DZIP1: variants seen among roughly 807,000 people sequenced by gnomAD.
The protein encoded by DZIP1 is DAZ interacting zinc finger protein 1.
In DZIP1, 97 loss-of-function variants were observed where a neutral mutation model predicts 107.6. The observed-to-expected ratio is 0.90, with a 90% CI of 0.77 to 1.07. DZIP1 has a LOEUF of 1.07. DZIP1 is among the 50% of genes least tolerant of loss of function. The pLI is 0.00. For missense variants in DZIP1, 1,035 were observed against 1,063.6 expected (o/e 0.97, Z 0.37); for synonymous variants, 390 against 386.4 (o/e 1.01, Z -0.11).
chr13:95,639,994 AT>A (rs1370217884), intron 5 of DZIP1, among the ~76,000 whole-genome samples: 1 of 123,666 alleles, frequency 8.1e-6, no homozygotes, highest in South Asian at 2.7e-4. Context: ...TTTTATTTTT[AT>A]TTATTTTTTT....
chr13:95,585,746 C>G (rs906372171), intron 21 of DZIP1, among the ~76,000 whole-genome samples: 2 of 152,128 alleles, frequency 1.3e-5, no homozygotes, highest in African/African-American at 4.8e-5. Context: ...TTGATATCTG[C>G]AAGTATCAGA....
intron 13 of DZIP1, 74 bp downstream of exon 13, chr13:95,609,383 G>A (rs964298120): frequency 2.0e-5 from 19 of 964,474 alleles, no homozygotes; most frequent in Non-Finnish European, 2.6e-5. Flanking sequence ...TCTAAAAATA[G>A]TAAGTAAAAG....
intron 14 of DZIP1, among the ~76,000 whole-genome samples, chr13:95,602,428 A>G (rs1310548449): frequency 6.6e-6 from 1 of 152,120 alleles, no homozygotes. Context: ...CTCACCTTGC[A>G]CCATAATTAT....
At chr13:95,616,349 C>A (rs1331417499) in intron 10 of DZIP1, among the ~76,000 whole-genome samples, 1 of 152,136 alleles carries the variant, frequency 6.6e-6, no homozygotes, top group Non-Finnish European at 1.5e-5. Context: ...TACAATCAGC[C>A]TTTCTCCATC....
intron 5 of DZIP1, chr13:95,637,140 T>C (rs1486743413): frequency 2.6e-5 from 4 of 152,216 alleles, no homozygotes; most frequent in Admixed American, 1.3e-4. Flanking sequence ...TGCAGCACTC[T>C]TGGGCCTTCT....
chr13:95,638,667 A>G (rs1382549462), intron 5 of DZIP1, among the ~76,000 whole-genome samples: 1 of 146,214 alleles, frequency 6.8e-6, no homozygotes, highest in Non-Finnish European at 1.5e-5. Context: ...ACACACGCAC[A>G]CCCCATGGGG....
In DZIP1 at chr13:95,581,584, A is replaced by G. The variant is rs929090450; in HGVS notation, c.*650T>C. The G allele has an allele frequency of 2.0e-5, 3 of 152,192 alleles. No individual in the cohort carries two copies. Among genetic ancestry groups the G allele is most frequent in the African/African-American group, 7.2e-5 (3 of 41,448 alleles). The allele number at this position is 152,192 out of a possible 1,614,324, so 9.4% of individuals were successfully genotyped here. A position where few individuals can be genotyped will look rare whatever the true frequency, so the allele number is the denominator to read the frequency against. On this transcript the variant is annotated 3_prime_UTR_variant, in exon 23 of 23. Coordinates refer to ENST00000376829, the MANE Select transcript of DZIP1 (RefSeq NM_198968.4). ...GGACCTAGCTATATTCTAATCCTAAACTTACTTTTTTGGGGTGTGGAGGGG... is the reference window on the plus strand; with the variant it reads ...GGACCTAGCTATATTCTAATCCTAAGCTTACTTTTTTGGGGTGTGGAGGGG...
At chr13:95,610,527 C>T (rs1594690726) in intron 12 of DZIP1, among the ~76,000 whole-genome samples, 2 of 151,894 alleles carry the variant, frequency 1.3e-5, no homozygotes, top group African/African-American at 2.4e-5. Flanking sequence ...AGGCTAGTCT[C>T]GAACTCCTGG....
Position 95,643,091 on chromosome 13 carries a change from A to G in DZIP1, c.-261T>C, listed in dbSNP as rs1284329590. ...CATTCTGGGCTTTGGAGAGGCTAAA[A>G]TATTTCTAGCAGCGACTTGTAGACC... On this transcript the variant is annotated 5_prime_UTR_variant, in exon 3 of 23. Coordinates refer to ENST00000376829, the MANE Select transcript of DZIP1 (RefSeq NM_198968.4). The G allele has an allele frequency of 2.6e-5, 4 of 152,170 alleles. No homozygotes were observed. Among genetic ancestry groups the G allele is most frequent in the Non-Finnish European group, 5.9e-5 (4 of 68,052 alleles). The allele number at this position is 152,170 out of a possible 1,614,324, so 9.4% of individuals were successfully genotyped here.
In DZIP1 at chr13:95,586,123, T is replaced by C. The variant is rs760965746; in HGVS notation, c.2232A>G (p.Lys744=). 1.2e-6 allele frequency: 2 copies of C among 1,609,836 alleles called. No individual in the cohort carries two copies. The highest frequency in any genetic ancestry group is 3.4e-5 in the Admixed American group (2 of 59,108). The stretch of plus-strand genomic sequence containing the variant: ...TCTTTTCAACTTTTTCAGTAGGTGT[T>C]TTAACGGCGACTCCTATAAGATCAA... ...DSPKPAGVAV[K]TPTEKVEKMF... The change falls in exon 21 of 23, where the codon AAA becomes AAG. Residue 744 remains lysine, a synonymous_variant. Transcript: ENST00000376829.
intron 15 of DZIP1, among the ~76,000 whole-genome samples, chr13:95,598,652 AATT>A (rs951938736): frequency 2.6e-5 from 4 of 152,042 alleles, no homozygotes; most frequent in Non-Finnish European, 4.4e-5. Flanking sequence ...ATATATGGTG[AATT>A]ATTATTATTA....
In DZIP1 at chr13:95,630,039, T is replaced by A. The variant is rs771507630; in HGVS notation, c.760A>T (p.Arg254Trp). 27 of 1,613,938 alleles carry A rather than the reference T, an allele frequency of 1.7e-5. No individual in the cohort carries two copies. Among genetic ancestry groups the A allele is most frequent in the Non-Finnish European group, 2.3e-5 (27 of 1,179,868 alleles). ...VVLKEELQLT[R>W]SELEAAHHAS... ...TGGTGTGCAGCCTCTAGCTCAGACC[T>A]GGTGAGCTGCAGCTCTTCCTTCAAT... Residue 254 changes from arginine (R) to tryptophan (W), a missense_variant, in exon 7 of 23, where the codon AGG (arginine) becomes TGG (tryptophan). By Grantham distance (101) the Arg-to-Trp change is moderately radical. Transcript: ENST00000376829.
intron 15 of DZIP1, among the ~76,000 whole-genome samples, chr13:95,595,641 G>A (rs139190803): frequency 6.6e-6 from 1 of 152,170 alleles, no homozygotes; most frequent in African/African-American, 2.4e-5. Context: ...CATCAAGTGT[G>A]CAACTGTCTA....
Position 95,641,287 on chromosome 13 carries a change from C to A in DZIP1, c.597+8G>T. ...GATTATGAATCGTGCTCACACACAG[C>A]TGCCCACCTGGTAATAGTTGGCTTT... On this transcript the variant is annotated splice_region_variant and intron_variant, in intron 5 of 22. Coordinates refer to ENST00000376829, the MANE Select transcript of DZIP1 (RefSeq NM_198968.4). The surrounding 1 kb of genome is among the most constrained non-coding windows in gnomAD (Gnocchi z 4.3). The A allele has an allele frequency of 6.4e-7, 1 of 1,567,588 alleles. No individual in the cohort carries two copies. Among genetic ancestry groups the A allele is most frequent in the South Asian group, 1.2e-5 (1 of 84,702 alleles).
chr13:95,615,875 A>T (rs1283417318), intron 10 of DZIP1, among the ~76,000 whole-genome samples: 1 of 152,230 alleles, frequency 6.6e-6, no homozygotes, highest in African/African-American at 2.4e-5. Context: ...CAGAACTCTT[A>T]GAAGGCTTAA....
chr13:95,633,298 A>G lies in DZIP1; in HGVS notation c.621T>C (p.Phe207=). ...GACTTTGTAGAAAAGCTTGGTTCAT[A>G]AAGGCCTTGTCACAAAAATGGCACT... ...YYQCHFCDKA[F]MNQAFLQSHI... Residue 207 remains phenylalanine, a synonymous_variant, in exon 6 of 23, where the codon TTT becomes TTC. Coordinates refer to ENST00000376829, the MANE Select transcript of DZIP1 (RefSeq NM_198968.4). 6.2e-7 allele frequency: 1 copy of G among 1,614,184 alleles called. No individual in the cohort carries two copies. The highest frequency in any genetic ancestry group is 8.5e-7 in the Non-Finnish European group (1 of 1,180,022).
intron 10 of DZIP1, among the ~76,000 whole-genome samples, chr13:95,615,608 A>G (rs995396200): frequency 6.6e-6 from 1 of 152,236 alleles, no homozygotes; most frequent in African/African-American, 2.4e-5. Flanking sequence ...ATCCCTGGTT[A>G]GGGATTACCA....
intron 10 of DZIP1, among the ~76,000 whole-genome samples, chr13:95,618,887 C>T (rs973625253): frequency 6.6e-6 from 1 of 152,140 alleles, no homozygotes; most frequent in Non-Finnish European, 1.5e-5. Flanking sequence ...AGAAGTTTTC[C>T]TATTTTAAGA....
intron 15 of DZIP1, among the ~76,000 whole-genome samples, chr13:95,597,581 C>T (rs1170301161): frequency 1.3e-5 from 2 of 152,130 alleles, no homozygotes; most frequent in African/African-American, 2.4e-5. Context: ...GAAGCTTAAA[C>T]GCCTACATAA....
Sources: gnomAD v4.1 joint callset for allele counts (sites outside exome capture counted in the v4.1 genomes callset) on GRCh38, gnomAD v4.1.1 for gene constraint, Gnocchi (gnomAD v3.1) non-coding constraint, MANE v1.5 for transcripts, NCBI Gene and HGNC (gene_info 2026-07-23, HGNC 2026-07-21) for gene names.